Variants in PRKG1 observed in about 807,000 individuals in gnomAD.
PRKG1 encodes protein kinase cGMP-dependent 1, also known as cGMP-dependent protein kinase 1.
PRKG1 carries 35 observed loss-of-function variants against 88.1 expected under a neutral mutation model. That is an observed-to-expected ratio of 0.40 (90% confidence interval 0.30 to 0.53). The LOEUF is 0.53. Ranked by LOEUF, PRKG1 falls within the 20% of genes least tolerant of loss-of-function variation. The pLI, the probability that PRKG1 is intolerant of heterozygous loss-of-function variation, is 0.59. For synonymous variants in PRKG1, 303 were observed against 292.5 expected (o/e 1.04, Z -0.37); for missense variants, 540 against 839.8 (o/e 0.64, Z 4.41).
At chr10:51,005,391 T>C (rs60073519) in intron 1 of PRKG1, among the ~76,000 whole-genome samples, 3,591 of 152,296 alleles carry the variant, frequency 0.024, 77 homozygotes, top group African/African-American at 0.055. Flanking sequence ...TTAGAAGATA[T>C]CTTTGTTCGT....
intron 7 of PRKG1, chr10:52,081,670 G>A (rs928368654): frequency 2.8e-5 from 13 of 456,480 alleles, no homozygotes; most frequent in East Asian, 6.9e-5. Context: ...AAGGAGTAAC[G>A]AGAAAAAGAA....
At chr10:51,676,762 A>G (rs988924883) in intron 3 of PRKG1, among the ~76,000 whole-genome samples, 1 of 152,206 alleles carries the variant, frequency 6.6e-6, no homozygotes, top group East Asian at 1.9e-4. Flanking sequence ...TTTATGTGAC[A>G]ACACTTATTT....
intron 2 of PRKG1, among the ~76,000 whole-genome samples, chr10:51,189,993 G>A (rs568922857): frequency 3.3e-5 from 5 of 151,842 alleles, no homozygotes; most frequent in Admixed American, 2.0e-4. Flanking sequence ...CAGATCTTCC[G>A]ACTCTTTGTC....
intron 9 of PRKG1, among the ~76,000 whole-genome samples, chr10:52,197,976 G>A (rs1265148629): frequency 1.3e-5 from 2 of 152,124 alleles, no homozygotes; most frequent in African/African-American, 4.8e-5. Flanking sequence ...ATGTCTCAGA[G>A]CTCCCTTTTA....
chr10:52,089,382 C>T (rs1406313908), intron 7 of PRKG1, among the ~76,000 whole-genome samples: 1 of 152,142 alleles, frequency 6.6e-6, no homozygotes, highest in East Asian at 1.9e-4. Flanking sequence ...TTCTCAGCAA[C>T]AAATTGATGA....
At chr10:51,374,362 T>G (rs1169007408) in intron 2 of PRKG1, among the ~76,000 whole-genome samples, 1 of 151,634 alleles carries the variant, frequency 6.6e-6, no homozygotes, top group East Asian at 1.9e-4. Flanking sequence ...TCTGTTGTGT[T>G]GGTTTGCTGA....
intron 3 of PRKG1, among the ~76,000 whole-genome samples, chr10:51,758,757 C>T (rs983170387): frequency 5.9e-5 from 9 of 152,050 alleles, no homozygotes; most frequent in Admixed American, 1.3e-4. Flanking sequence ...CATACATGTG[C>T]CATGATGGTT....
chr10:51,757,058 A>T (rs906726731), intron 3 of PRKG1, among the ~76,000 whole-genome samples: 8 of 150,910 alleles, frequency 5.3e-5, no homozygotes. Flanking sequence ...ATTTTATTTT[A>T]TTTTTTTTAT....
intron 3 of PRKG1, among the ~76,000 whole-genome samples, chr10:51,511,311 T>A (rs1025628849): frequency 2.0e-5 from 3 of 152,058 alleles, no homozygotes; most frequent in Non-Finnish European, 4.4e-5. Context: ...ATTTTACTGA[T>A]CAAAAACACA....
intron 3 of PRKG1, among the ~76,000 whole-genome samples, chr10:51,664,429 T>C (rs1840373847): frequency 6.6e-6 from 1 of 152,166 alleles, no homozygotes; most frequent in Non-Finnish European, 1.5e-5. Context: ...TATGACACTG[T>C]CCTAACATGG....
At chr10:52,251,521 GTGT>G in intron 9 of PRKG1, 46 bp from the exon 10 acceptor site, 1 of 1,401,198 alleles carries the variant, frequency 7.1e-7, no homozygotes, top group South Asian at 1.2e-5. Flanking sequence ...CGTGGTACTC[GTGT>G]TTGCACCTCT....
intron 1 of PRKG1, among the ~76,000 whole-genome samples, chr10:51,125,957 A>G (rs1686160679): frequency 1.5e-5 from 2 of 129,754 alleles, no homozygotes; most frequent in African/African-American, 6.0e-5. Flanking sequence ...ACAATTTTAT[A>G]TATGAATATA....
At chr10:51,875,944 CTTTCTTTCT>C (rs1841288215) in intron 4 of PRKG1, among the ~76,000 whole-genome samples, 1 of 118,376 alleles carries the variant, frequency 8.4e-6, no homozygotes, top group Non-Finnish European at 2.0e-5. Context: ...CCTTTCTTTT[CTTTCTTTCT>C]TTTTTTTTTT....
intron 4 of PRKG1, among the ~76,000 whole-genome samples, chr10:51,834,803 G>A (rs1205389092): frequency 1.3e-5 from 2 of 151,904 alleles, no homozygotes; most frequent in Admixed American, 1.3e-4. Context: ...GTATGAAAGA[G>A]CAATGAGTCT....
chr10:51,318,535 T>C (rs1240650667), intron 2 of PRKG1, among the ~76,000 whole-genome samples: 1 of 152,168 alleles, frequency 6.6e-6, no homozygotes, highest in Non-Finnish European at 1.5e-5. Context: ...CTTTCAGTGC[T>C]GTGGAAATAC....
intron 9 of PRKG1, among the ~76,000 whole-genome samples, chr10:52,184,270 G>T (rs1589682307): frequency 6.6e-6 from 1 of 151,986 alleles, no homozygotes; most frequent in African/African-American, 2.4e-5. Context: ...AACATTTTTA[G>T]CCTACAAAAA....
intron 3 of PRKG1, chr10:51,698,229 A>G: frequency 6.2e-7 from 1 of 1,614,074 alleles, no homozygotes; most frequent in Non-Finnish European, 8.5e-7. Flanking sequence ...TCCATCGCAC[A>G]GGTCTCCATT....
chr10:51,011,227 G>T (rs376203975), intron 1 of PRKG1, among the ~76,000 whole-genome samples: 23 of 152,162 alleles, frequency 1.5e-4, no homozygotes, highest in African/African-American at 5.3e-4. Flanking sequence ...AGGGGGCGGT[G>T]TTGAGGGGAG....
Position 51,738,672 on chromosome 10 carries a change from A to G in PRKG1, c.593-65913A>G, listed in dbSNP as rs1354952451. Among the ~76,000 whole-genome samples, 3 of 151,890 alleles carry G rather than the reference A, an allele frequency of 2.0e-5. No homozygotes were observed. In the East Asian group the frequency reaches 5.8e-4, roughly 29 times the overall value. On this transcript the variant is annotated intron_variant, in intron 3 of 17. Transcript: ENST00000373980. ...CTGACTGGGCTCTAATTTCACCTTG[A>G]TCTTCACCACAATCTGTGTCCCTTG...
Sources: allele counts gnomAD v4.1 joint callset (sites outside exome capture counted in the v4.1 genomes callset), GRCh38; gene constraint gnomAD v4.1.1; transcripts MANE v1.5; gene names NCBI Gene and HGNC (gene_info 2026-07-23, HGNC 2026-07-21).